The following GREB1L variants were observed in gnomAD, a reference collection of about 807,000 sequenced individuals.
GREB1L encodes GREB1 like retinoic acid receptor coactivator, also known as GREB1-like protein.
GREB1L carries 17 observed loss-of-function variants against 200.8 expected under a neutral mutation model. The observed-to-expected ratio is 0.08, with a 90% CI of 0.06 to 0.13. The LOEUF (loss-of-function observed/expected upper bound fraction) is 0.13. Among genes scored for constraint, GREB1L ranks in the 10% least tolerant of loss-of-function variants. The pLI is 1.00. For missense variants in GREB1L, 1,657 were observed against 2,367.7 expected, an observed-to-expected ratio of 0.70 and a Z score of 6.23; for synonymous variants, 789 against 893.0, an observed-to-expected ratio of 0.88 and a Z score of 2.08.
At chr18:21,499,593 GAGA>G (rs926239728) in intron 21 of GREB1L, 133 bp from the exon 22 acceptor site, 18 of 645,894 alleles carry the variant, frequency 2.8e-5, no homozygotes, top group Admixed American at 1.7e-4. Context: ...GAGCGGCAAA[GAGA>G]AGATTTCTTG....
chr18:21,448,915 G>T (rs553369818), intron 11 of GREB1L, among the ~76,000 whole-genome samples: 7 of 152,290 alleles, frequency 4.6e-5, no homozygotes, highest in African/African-American at 1.4e-4. Flanking sequence ...AATCCAGAAT[G>T]CTGGGGAATA....
At chr18:21,480,818 G>A (rs1253105913) in intron 17 of GREB1L, among the ~76,000 whole-genome samples, 1 of 152,020 alleles carries the variant, frequency 6.6e-6, no homozygotes, top group Non-Finnish European at 1.5e-5. Flanking sequence ...TCAAGAGTTA[G>A]AGACCAGCCT....
chr18:21,491,011 C>G (rs1176299696), intron 19 of GREB1L, among the ~76,000 whole-genome samples: 1 of 152,144 alleles, frequency 6.6e-6, no homozygotes, highest in African/African-American at 2.4e-5. Flanking sequence ...ACTGCTTCTC[C>G]CCTTCCTCTC....
At chr18:21,337,355 T>C (rs531296628) in intron 1 of GREB1L, among the ~76,000 whole-genome samples, 39 of 152,186 alleles carry the variant, frequency 2.6e-4, no homozygotes, top group Admixed American at 5.2e-4. Flanking sequence ...AAACAGTGTT[T>C]AATTGTGTTT....
chr18:21,280,748 A>G (rs1328929958), intron 1 of GREB1L, among the ~76,000 whole-genome samples: 10 of 151,762 alleles, frequency 6.6e-5, no homozygotes, highest in Non-Finnish European at 1.2e-4. Context: ...GATGTTTCTC[A>G]GTTGTCTAAT....
At chr18:21,329,845 C>T (rs1215680396) in intron 1 of GREB1L, among the ~76,000 whole-genome samples, 2 of 152,158 alleles carry the variant, frequency 1.3e-5, no homozygotes, top group African/African-American at 2.4e-5. Context: ...AGCCCCCTCT[C>T]CTGTGTTACT....
chr18:21,252,361 C>T (rs573732205), intron 1 of GREB1L, among the ~76,000 whole-genome samples: 19 of 151,686 alleles, frequency 1.3e-4, no homozygotes, highest in Non-Finnish European at 2.5e-4. Context: ...AGTTCGAGAC[C>T]AGCCTAACCA....
At chr18:21,284,535 A>G (rs2038322707) in intron 1 of GREB1L, among the ~76,000 whole-genome samples, 1 of 152,216 alleles carries the variant, frequency 6.6e-6, no homozygotes, top group Non-Finnish European at 1.5e-5. Context: ...ACTCCATTGC[A>G]TGATTATACC....
chr18:21,479,406 C>T (rs1230859334), intron 17 of GREB1L, among the ~76,000 whole-genome samples: 2 of 152,116 alleles, frequency 1.3e-5, no homozygotes, highest in African/African-American at 4.8e-5. Context: ...TAGCCAGGCA[C>T]AGTGGCTCAC....
chr18:21,390,430 G>A (rs1406450803), intron 4 of GREB1L, among the ~76,000 whole-genome samples: 2 of 152,170 alleles, frequency 1.3e-5, no homozygotes, highest in African/African-American at 4.8e-5. Context: ...GACAAGATAT[G>A]GAGGTGGAAG....
chr18:21,459,627 GCTTT>G (rs1474109713), intron 15 of GREB1L, among the ~76,000 whole-genome samples: 1 of 151,792 alleles, frequency 6.6e-6, no homozygotes, highest in Non-Finnish European at 1.5e-5. Context: ...TTGTGGCAGA[GCTTT>G]CTTCTGTAAG....
intron 1 of GREB1L, among the ~76,000 whole-genome samples, chr18:21,288,431 C>G (rs2038393249): frequency 6.6e-6 from 1 of 152,114 alleles, no homozygotes; most frequent in African/African-American, 2.4e-5. Flanking sequence ...GCTGACCAGT[C>G]AGCACCAGTA....
At chr18:21,414,296 G>A (rs1199110363) in intron 7 of GREB1L, among the ~76,000 whole-genome samples, 3 of 151,902 alleles carry the variant, frequency 2.0e-5, no homozygotes, top group Non-Finnish European at 2.9e-5. Flanking sequence ...GTCATATCAC[G>A]TAAAAAGATA....
intron 7 of GREB1L, among the ~76,000 whole-genome samples, chr18:21,418,512 A>T (rs1217967083): frequency 2.0e-5 from 3 of 151,862 alleles, no homozygotes; most frequent in Admixed American, 6.6e-5. Context: ...TTTTTAAAAA[A>T]ATATTTTTGT....
intron 1 of GREB1L, among the ~76,000 whole-genome samples, chr18:21,290,346 T>C (rs181643730): frequency 3.9e-5 from 6 of 152,374 alleles, no homozygotes; most frequent in Admixed American, 3.3e-4. Context: ...ATTAAATGGA[T>C]GAGTCATCTT....
chr18:21,255,816 A>G (rs956093893), intron 1 of GREB1L, among the ~76,000 whole-genome samples: 4 of 152,204 alleles, frequency 2.6e-5, no homozygotes, highest in African/African-American at 9.6e-5. Flanking sequence ...AGGAGGTACT[A>G]TGGCATATTA....
chr18:21,278,297 T>G (rs2038203732), intron 1 of GREB1L, among the ~76,000 whole-genome samples: 1 of 150,770 alleles, frequency 6.6e-6, no homozygotes, highest in Non-Finnish European at 1.5e-5. Context: ...GGAGAATCGC[T>G]TGAACCTGGG....
chr18:21,397,524 C>CAAAA (rs10719044), intron 5 of GREB1L, among the ~76,000 whole-genome samples: 14 of 103,366 alleles, frequency 1.4e-4, no homozygotes, highest in African/African-American at 3.7e-4. Flanking sequence ...GACTCCGTCT[C>CAAAA]AAAAAAAAAA....
intron 7 of GREB1L, among the ~76,000 whole-genome samples, chr18:21,423,916 A>G (rs112804273): frequency 6.6e-6 from 1 of 152,098 alleles, no homozygotes; most frequent in African/African-American, 2.4e-5. Flanking sequence ...ATCCCTTATT[A>G]ATTTAGGATT....
Sources: allele counts gnomAD v4.1 joint callset (sites outside exome capture counted in the v4.1 genomes callset), GRCh38; gene constraint gnomAD v4.1.1; transcripts MANE v1.5; gene names NCBI Gene and HGNC (gene_info 2026-07-23, HGNC 2026-07-21).